Variants in ADAM7 observed in about 807,000 individuals in gnomAD.
ADAM7 encodes disintegrin and metalloproteinase domain-containing protein 7.
In ADAM7, 97 loss-of-function variants were observed where a neutral mutation model predicts 102.9. The ratio of observed to expected loss-of-function variants is 0.94; its 90% CI spans 0.80 to 1.12. The LOEUF (loss-of-function observed/expected upper bound fraction) is 1.12. Ranked by LOEUF, ADAM7 falls within the 50% of genes most tolerant of loss-of-function variation. The probability of loss-of-function intolerance (pLI) is 0.00; values close to 1 mark genes in which losing one functional copy is unlikely to be tolerated. For synonymous variants in ADAM7, 334 were observed against 304.4 expected (o/e 1.10, Z -1.01); for missense variants, 991 against 908.7 (o/e 1.09, Z -1.16).
At chr8:24,495,475 T>C (rs1309454989) in intron 16 of ADAM7, among the ~76,000 whole-genome samples, 1 of 152,172 alleles carries the variant, frequency 6.6e-6, no homozygotes, top group African/African-American at 2.4e-5. Flanking sequence ...ATGGAAATTT[T>C]AGAACGGAAA....
chr8:24,481,604 CA>C (rs1459937491), intron 8 of ADAM7, among the ~76,000 whole-genome samples: 2 of 152,192 alleles, frequency 1.3e-5, no homozygotes, highest in African/African-American at 4.8e-5. Context: ...TTATAGGCTA[CA>C]ACTATTTCTG....
chr8:24,487,134 T>A, intron 10 of ADAM7, 53 bp from the exon 11 acceptor site: 1 of 1,577,664 alleles, frequency 6.3e-7, no homozygotes, highest in South Asian at 1.2e-5. Context: ...AAGCACTATG[T>A]ACTACAGTAT....
intron 12 of ADAM7, 180 bp from the exon 13 acceptor site, chr8:24,490,619 G>C: frequency 3.4e-6 from 2 of 589,778 alleles, no homozygotes; most frequent in East Asian, 2.9e-5. Context: ...GAGAGAAGGA[G>C]AAATAGTTAA....
At chr8:24,505,263 T>C (rs2129397847) in intron 20 of ADAM7, among the ~76,000 whole-genome samples, 1 of 152,248 alleles carries the variant, frequency 6.6e-6, no homozygotes, top group East Asian at 1.9e-4. Flanking sequence ...TGAATAACCA[T>C]AGAGCGTAGG....
At chr8:24,501,652 C>T (rs1338089554) in intron 20 of ADAM7, 76 bp downstream of exon 20, 2 of 1,124,648 alleles carry the variant, frequency 1.8e-6, no homozygotes, top group Non-Finnish European at 2.5e-6. Context: ...TAAAGTAGAA[C>T]CCGTCCTAAG....
At chr8:24,492,946 G>A in intron 15 of ADAM7, 97 bp from the exon 16 acceptor site, 1 of 1,274,854 alleles carries the variant, frequency 7.8e-7, no homozygotes, top group African/African-American at 1.5e-5. Flanking sequence ...CAAGAAACCT[G>A]GATCTAGAAA....
chr8:24,492,976 C>T (rs946283335), intron 15 of ADAM7, 67 bp from the exon 16 acceptor site: 1 of 1,446,598 alleles, frequency 6.9e-7, no homozygotes, highest in African/African-American at 1.5e-5. Flanking sequence ...CGGGAGGCTC[C>T]ATTGCCAGCC....
intron 3 of ADAM7, among the ~76,000 whole-genome samples, chr8:24,461,629 C>T (rs912106960): frequency 1.3e-5 from 2 of 152,074 alleles, no homozygotes; most frequent in African/African-American, 4.8e-5. Flanking sequence ...TTCCAGCACT[C>T]CACTTAATCA....
chr8:24,493,672 GCTTT>G (rs1337065206), intron 16 of ADAM7, among the ~76,000 whole-genome samples: 1 of 152,134 alleles, frequency 6.6e-6, no homozygotes, highest in Non-Finnish European at 1.5e-5. Flanking sequence ...TCAAAAAATT[GCTTT>G]CTTAGTGGTG....
intron 6 of ADAM7, 119 bp from the exon 7 acceptor site, chr8:24,468,648 C>G: frequency 1.3e-6 from 1 of 795,880 alleles, no homozygotes; most frequent in East Asian, 2.6e-5. Flanking sequence ...TATGCCTCCC[C>G]ATTTTGTATC....
chr8:24,456,982 C>G lies in ADAM7; in HGVS notation c.234-6900C>G, dbSNP rs1010862821. ...TGGTAAACACCAAGGAGTGATATTC[C>G]TGAGTCACAGGATATGTATATGTTT... On this transcript the variant is annotated intron_variant, in intron 3 of 21. Transcript: ENST00000175238. 2.4e-4 allele frequency among the ~76,000 whole-genome samples: 36 copies of G among 152,186 alleles called. 1 individual carries two copies. The highest frequency in any genetic ancestry group is 2.3e-3 in the Admixed American group (35 of 15,284).
chr8:24,487,194 T>C lies in ADAM7; in HGVS notation c.968T>C (p.Leu323Ser). The C allele has an allele frequency of 1.9e-6, 3 of 1,613,536 alleles. No homozygotes were observed. The highest frequency in any genetic ancestry group is 1.7e-6 in the Non-Finnish European group (2 of 1,179,668). ...CAATTGTTTTATCATCAGGATCTTT[T>C]ACCTGACACAAACATAATTGCAAAC... Reference protein sequence around the residue: ...YYSTSIIKDLLPDTNIIANRM... With the variant: ...YYSTSIIKDLSPDTNIIANRM... Residue 323 changes from leucine (L) to serine (S), a missense_variant, in exon 11 of 22, where the codon TTA becomes TCA. By Grantham distance (145) the Leu-to-Ser change is moderately radical (BLOSUM62 -2). Transcript: ENST00000175238.
At position 24,496,232 on chromosome 8, in the gene ADAM7, A is replaced by G. The variant is rs533533449; in HGVS notation, c.1842+3003A>G. On this transcript the variant is annotated intron_variant, in intron 16 of 21. Transcript: ENST00000175238. ...GACTGCAGGTGCACAGAAGTCAAGAATTGAGGTTTGGGAACCTCAGCGTAG... is the reference window on the plus strand; with the variant it reads ...GACTGCAGGTGCACAGAAGTCAAGAGTTGAGGTTTGGGAACCTCAGCGTAG... Among the ~76,000 whole-genome samples the G allele has an allele frequency of 2.6e-5, 4 of 152,372 alleles. 1 individual carries two copies. The highest frequency in any genetic ancestry group is 9.6e-5 in the African/African-American group (4 of 41,590).
Position 24,499,332 on chromosome 8 carries a change from T to C in ADAM7, c.1923+16T>C. 2 of 1,574,094 alleles carry C rather than the reference T, an allele frequency of 1.3e-6. No individual in the cohort carries two copies. Among genetic ancestry groups the C allele is most frequent in the Non-Finnish European group, 1.7e-6 (2 of 1,153,542 alleles). On this transcript the variant is annotated intron_variant, in intron 17 of 21. Coordinates refer to ENST00000175238, the MANE Select transcript of ADAM7 (RefSeq NM_003817.4). ...TGAAAATCCTGTAAGATATGACTGC[T>C]TTCAAAATTAATGTCTTATCAGCCA...
intron 18 of ADAM7, 83 bp from the exon 19 acceptor site, chr8:24,500,707 T>C (rs915735233): frequency 6.9e-5 from 77 of 1,113,242 alleles, no homozygotes; most frequent in South Asian, 1.4e-4. Context: ...ATAAGGAGCA[T>C]TGTAACAGCT....
intron 16 of ADAM7, among the ~76,000 whole-genome samples, chr8:24,496,073 T>C (rs1209550920): frequency 6.6e-6 from 1 of 152,202 alleles, no homozygotes; most frequent in Non-Finnish European, 1.5e-5. Context: ...GTCCCCGTGC[T>C]GTGTGCAGTT....
intron 8 of ADAM7, among the ~76,000 whole-genome samples, chr8:24,480,873 C>A (rs1819926111): frequency 6.6e-6 from 1 of 151,546 alleles, no homozygotes; most frequent in African/African-American, 2.4e-5. Context: ...GACATCGTCC[C>A]AACAACAACA....
chr8:24,468,617 C>T lies in ADAM7; in HGVS notation c.580-150C>T, dbSNP rs1462607764. ...CGTATAGATCTCATTTAGATAAATT[C>T]GTACAATTTTTATATATTCATATGC... On this transcript the variant is annotated intron_variant, in intron 6 of 21. Coordinates refer to ENST00000175238, the MANE Select transcript of ADAM7 (RefSeq NM_003817.4). 1.8e-5 allele frequency: 12 copies of T among 653,640 alleles called. 1 individual carries two copies. Among genetic ancestry groups the T allele is most frequent in the South Asian group, 7.6e-5 (4 of 52,560 alleles). The allele number at this position is 653,640 out of a possible 1,614,324, so 40.5% of individuals were successfully genotyped here. A position where few individuals can be genotyped will look rare whatever the true frequency, so the allele number is the denominator to read the frequency against.
At chr8:24,498,545 A>G (rs1820636454) in intron 16 of ADAM7, among the ~76,000 whole-genome samples, 1 of 137,652 alleles carries the variant, frequency 7.3e-6, no homozygotes, top group South Asian at 2.6e-4. Flanking sequence ...TGAAAGGACT[A>G]AGAGTATATA....
Sources: gnomAD v4.1 joint callset for allele counts (sites outside exome capture counted in the v4.1 genomes callset) on GRCh38, gnomAD v4.1.1 for gene constraint, MANE v1.5 for transcripts, NCBI Gene and HGNC (gene_info 2026-07-23, HGNC 2026-07-21) for gene names.